CCDC102B: variants seen among roughly 807,000 people sequenced by gnomAD.
CCDC102B encodes coiled-coil domain-containing protein 102B.
Under a neutral mutation model 57.4 loss-of-function variants are expected in CCDC102B, and 75 were observed. The observed-to-expected ratio is 1.31, with a 90% CI of 1.08 to 1.58. CCDC102B has a LOEUF of 1.58. Ranked by LOEUF, CCDC102B falls within the 40% of genes most tolerant of loss-of-function variation. The probability of loss-of-function intolerance (pLI) is 0.00; values close to 1 mark genes in which losing one functional copy is unlikely to be tolerated. For missense variants in CCDC102B, 636 were observed against 582.6 expected, an observed-to-expected ratio of 1.09 and a Z score of -0.94; for synonymous variants, 206 against 201.9, an observed-to-expected ratio of 1.02 and a Z score of -0.17.
In CCDC102B at chr18:68,976,272, T is replaced by C. The variant is rs192636850; in HGVS notation, c.1264-34662T>C. On this transcript the variant is annotated intron_variant, in intron 6 of 7. Transcript: ENST00000360242. ...TCAATATTAGAAAATTAATTAAATA[T>C]GCTTTGAATAGTAACTGGTTATCTT... Among the ~76,000 whole-genome samples, 40 of 152,150 alleles carry C rather than the reference T, an allele frequency of 2.6e-4. 1 individual carries two copies. Among genetic ancestry groups the C allele is most frequent in the Admixed American group, 2.2e-3 (33 of 15,236 alleles).
intron 1 of CCDC102B, among the ~76,000 whole-genome samples, chr18:68,818,290 G>A (rs1208021292): frequency 6.6e-6 from 1 of 152,090 alleles, no homozygotes; most frequent in Admixed American, 6.6e-5. Flanking sequence ...CTATTCTCCT[G>A]CTTAATCTGG....
intron 3 of CCDC102B, among the ~76,000 whole-genome samples, chr18:68,842,788 A>G (rs1409977713): frequency 6.6e-6 from 1 of 152,172 alleles, no homozygotes; most frequent in Non-Finnish European, 1.5e-5. Context: ...TGGCTTTCTC[A>G]TCAGTGTTCC....
intron 6 of CCDC102B, among the ~76,000 whole-genome samples, chr18:68,912,680 G>A (rs1790437966): frequency 6.6e-6 from 1 of 152,150 alleles, no homozygotes; most frequent in South Asian, 2.1e-4. Context: ...CAACTTATAA[G>A]AGAAATGGGA....
At chr18:68,900,112 C>T (rs2040389465) in intron 6 of CCDC102B, 1 of 152,068 alleles carries the variant, frequency 6.6e-6, no homozygotes, top group Admixed American at 6.5e-5. Context: ...GAAGATTTTT[C>T]GATTTGCTGT....
intron 2 of CCDC102B, among the ~76,000 whole-genome samples, chr18:68,775,869 G>T (rs1429587208): frequency 1.3e-5 from 2 of 151,980 alleles, no homozygotes; most frequent in Non-Finnish European, 2.9e-5. Flanking sequence ...GGCCAGGATG[G>T]TCTCAATCTC....
intron 6 of CCDC102B, 123 bp from the exon 7 acceptor site, chr18:69,010,811 G>T: frequency 1.6e-6 from 1 of 613,684 alleles, no homozygotes; most frequent in Non-Finnish European, 2.7e-6. Flanking sequence ...AATTGCAAAT[G>T]AAGATGATGG....
intron 2 of CCDC102B, among the ~76,000 whole-genome samples, chr18:68,722,554 A>C (rs540763142): frequency 1.3e-5 from 2 of 152,338 alleles, no homozygotes; most frequent in South Asian, 4.1e-4. Context: ...AGATAATATT[A>C]TACAAAGTGT....
chr18:69,049,708 A>G (rs73457738), intron 7 of CCDC102B, among the ~76,000 whole-genome samples: 7,675 of 152,202 alleles, frequency 0.05, 670 homozygotes, highest in African/African-American at 0.17. Flanking sequence ...AATAGTACTC[A>G]AGTAAGATAC....
At chr18:68,854,741 A>G (rs765114194) in intron 4 of CCDC102B, among the ~76,000 whole-genome samples, 2 of 152,140 alleles carry the variant, frequency 1.3e-5, no homozygotes, top group African/African-American at 4.8e-5. Flanking sequence ...GACTCTTAGT[A>G]AGAAGTGATC....
intron 1 of CCDC102B, among the ~76,000 whole-genome samples, chr18:68,808,083 GT>G (rs1195071835): frequency 1.1e-4 from 16 of 152,060 alleles, no homozygotes; most frequent in African/African-American, 3.6e-4. Context: ...TATTATAGAT[GT>G]AACTTTCCCA....
chr18:68,899,967 C>T (rs959275349), intron 6 of CCDC102B: 2 of 152,118 alleles, frequency 1.3e-5, no homozygotes, highest in African/African-American at 4.8e-5. Flanking sequence ...ATGTGTACAT[C>T]ATTCTTTTAC....
At chr18:68,898,553 A>T (rs560680903) in intron 6 of CCDC102B, among the ~76,000 whole-genome samples, 3 of 152,128 alleles carry the variant, frequency 2.0e-5, no homozygotes, top group East Asian at 3.9e-4. Context: ...GGAGATCTCT[A>T]CTCTAAAAAG....
At chr18:68,897,562 C>T (rs2040289102) in intron 6 of CCDC102B, 134 bp downstream of exon 6, 2 of 1,567,816 alleles carry the variant, frequency 1.3e-6, no homozygotes. Flanking sequence ...ATACTCCTTG[C>T]TCTTTTGCCC....
At chr18:68,873,612 A>G (rs1210074766) in intron 4 of CCDC102B, among the ~76,000 whole-genome samples, 2 of 152,082 alleles carry the variant, frequency 1.3e-5, no homozygotes, top group Non-Finnish European at 1.5e-5. Flanking sequence ...AATACCTAAC[A>G]TATAGGATTA....
chr18:68,981,762 G>T (rs2145294578), intron 6 of CCDC102B, among the ~76,000 whole-genome samples: 1 of 152,026 alleles, frequency 6.6e-6, no homozygotes, highest in African/African-American at 2.4e-5. Flanking sequence ...TCTAGAGTGA[G>T]TTGGATCTAG....
intron 2 of CCDC102B, among the ~76,000 whole-genome samples, chr18:68,788,990 G>T (rs1195710027): frequency 4.6e-5 from 7 of 152,262 alleles, no homozygotes; most frequent in South Asian, 2.1e-4. Flanking sequence ...TCCATGTTTA[G>T]TGCTTCCTTC....
intron 2 of CCDC102B, among the ~76,000 whole-genome samples, chr18:68,726,434 G>A (rs1181022982): frequency 2.0e-5 from 3 of 152,208 alleles, no homozygotes; most frequent in South Asian, 2.1e-4. Flanking sequence ...GTGCCCTGAT[G>A]TTGCCAGTGA....
At chr18:68,928,757 T>A (rs2041563645) in intron 6 of CCDC102B, among the ~76,000 whole-genome samples, 2 of 151,958 alleles carry the variant, frequency 1.3e-5, no homozygotes, top group Non-Finnish European at 2.9e-5. Context: ...GTAAATTTTT[T>A]AATTAACTTG....
intron 3 of CCDC102B, among the ~76,000 whole-genome samples, chr18:68,839,407 T>C (rs1231074233): frequency 1.3e-5 from 2 of 152,230 alleles, no homozygotes; most frequent in Non-Finnish European, 2.9e-5. Flanking sequence ...ATCTTTGGTC[T>C]GATGTCTTCT....
Sources: allele counts gnomAD v4.1 joint callset (sites outside exome capture counted in the v4.1 genomes callset), GRCh38; gene constraint gnomAD v4.1.1; transcripts MANE v1.5; gene names NCBI Gene and HGNC (gene_info 2026-07-23, HGNC 2026-07-21).